The following KPNB1 variants were observed in gnomAD, a reference collection of about 807,000 sequenced individuals.
The protein encoded by KPNB1 is importin subunit beta-1.
A neutral mutation model predicts 113.0 loss-of-function variants in KPNB1; 7 were observed. That is an observed-to-expected ratio of 0.06 (90% confidence interval 0.04 to 0.12). The LOEUF (loss-of-function observed/expected upper bound fraction) is 0.12, where lower values mean the gene tolerates loss of function less well. Among genes scored for constraint, KPNB1 ranks in the 10% least tolerant of loss-of-function variants. KPNB1 has a pLI of 1.00. For missense variants in KPNB1, 400 were observed against 1,054.8 expected, an observed-to-expected ratio of 0.38 and a Z score of 8.60; for synonymous variants, 363 against 378.6, an observed-to-expected ratio of 0.96 and a Z score of 0.48.
chr17:47,685,199 C>T lies in KPNB1; in HGVS notation c.*2795C>T, dbSNP rs370044910. 6.6e-6 allele frequency: 1 copy of T among 152,172 alleles called. No individual in the cohort carries two copies. Among genetic ancestry groups the T allele is most frequent in the African/African-American group, 2.4e-5 (1 of 41,434 alleles). 9.4% of individuals were successfully genotyped at this position (152,172 alleles called of 1,614,324 possible). Reference sequence around the variant, plus strand: ...GGCAACTGTAATATTGCCTTAGGGACTTGTGGAGAAGGGGAATTGCTCAGT... The same window carrying T: ...GGCAACTGTAATATTGCCTTAGGGATTTGTGGAGAAGGGGAATTGCTCAGT... On this transcript the variant is annotated 3_prime_UTR_variant, in exon 22 of 22. Coordinates refer to ENST00000290158, the MANE Select transcript of KPNB1 (RefSeq NM_002265.6).
At position 47,654,415 on chromosome 17, in the gene KPNB1, TA is replaced by T. The variant is rs374274253; in HGVS notation, c.282+1561del. ...GGTGACAGAGTGACACTCCATTTCT[TA>T]AAAAAAAAAAAAAAAAAAAAATTAG... On this transcript the variant is annotated intron_variant, in intron 3 of 21. Transcript: ENST00000290158. Among the ~76,000 whole-genome samples, 631 of 119,864 alleles carry T rather than the reference TA, an allele frequency of 5.3e-3. 3 individuals are homozygous for T. The highest frequency in any genetic ancestry group is 0.017 in the East Asian group (73 of 4,328). The allele number at this position is 119,864 out of a possible 152,430, so 78.6% of individuals were successfully genotyped here. A position where few individuals can be genotyped will look rare whatever the true frequency, so the allele number is the denominator to read the frequency against.
Position 47,682,570 on chromosome 17 carries a change from G to C in KPNB1, c.*166G>C. ...CATTGAAAATCCTGCCACAGCAGCA[G>C]CCGCAGCCGCCAACAGCAGCGCTGT... On this transcript the variant is annotated 3_prime_UTR_variant, in exon 22 of 22. Coordinates refer to ENST00000290158, the MANE Select transcript of KPNB1 (RefSeq NM_002265.6). The C allele has an allele frequency of 1.6e-6, 1 of 644,956 alleles. No homozygotes were observed. Among genetic ancestry groups the C allele is most frequent in the South Asian group, 1.8e-5 (1 of 56,108 alleles). The allele number at this position is 644,956 out of a possible 1,614,324, so 40.0% of individuals were successfully genotyped here.
At position 47,650,014 on chromosome 17, in the gene KPNB1, C is replaced by T. The variant is rs2143068188; in HGVS notation, c.-231C>T. The T allele has an allele frequency of 1.5e-6, 2 of 1,370,032 alleles. No homozygotes were observed. The highest frequency in any genetic ancestry group is 1.5e-5 in the African/African-American group (1 of 66,378). The allele number at this position is 1,370,032 out of a possible 1,614,324, so 84.9% of individuals were successfully genotyped here. ...CGCGCTCTGAGCTGCCCCCAGGGTCCCTCCCCCGCCGCCAGCAGCCCATTT... is the reference window on the plus strand; with the variant it reads ...CGCGCTCTGAGCTGCCCCCAGGGTCTCTCCCCCGCCGCCAGCAGCCCATTT... On this transcript the variant is annotated 5_prime_UTR_variant, in exon 1 of 22. Coordinates refer to ENST00000290158, the MANE Select transcript of KPNB1 (RefSeq NM_002265.6).
In KPNB1 at chr17:47,669,816, T is replaced by A. The variant is rs373649777; in HGVS notation, c.1363T>A (p.Cys455Ser). ...NDVYLAPLLQ[C>S]LIEGLSAEPR... is the part of the protein sequence containing the mutation. ...TGTCTACTTGGCTCCCCTGCTACAG[T>A]GTCTGATTGAGGGTCTCAGTGCTGA... is the stretch of plus-strand genomic sequence containing the variant. The change falls in exon 11 of 22, where the codon TGT (cysteine) becomes AGT (serine). Residue 455 changes from cysteine (C) to serine (S), a missense_variant. By Grantham distance (112) the Cys-to-Ser change is moderately radical (BLOSUM62 -1). This residue lies in a region of KPNB1 where 285 missense variants were observed against 627.0 expected (regional missense o/e 0.45). Transcript: ENST00000290158. 3 of 1,613,876 alleles carry A rather than the reference T, an allele frequency of 1.9e-6. No individual in the cohort carries two copies. Among genetic ancestry groups the A allele is most frequent in the Admixed American group, 1.7e-5 (1 of 59,994 alleles).
At chr17:47,667,001 G>T (rs189479243) in intron 9 of KPNB1, among the ~76,000 whole-genome samples, 1 of 152,312 alleles carries the variant, frequency 6.6e-6, no homozygotes, top group African/African-American at 2.4e-5. Context: ...TAGGCAACCT[G>T]CCTTAAGTTT....
At chr17:47,671,428 G>T (rs932994660) in intron 12 of KPNB1, among the ~76,000 whole-genome samples, 1 of 152,112 alleles carries the variant, frequency 6.6e-6, no homozygotes, top group Non-Finnish European at 1.5e-5. Flanking sequence ...TCATTTTGCA[G>T]CATTGACAGT....
chr17:47,675,372 G>GTTT (rs755565036), intron 15 of KPNB1, among the ~76,000 whole-genome samples: 16 of 86,084 alleles, frequency 1.9e-4, no homozygotes, highest in African/African-American at 5.7e-4. Flanking sequence ...TTTTTTTTTT[G>GTTT]TTTTTTTTTT....
intron 10 of KPNB1, among the ~76,000 whole-genome samples, chr17:47,669,275 G>A (rs763226502): frequency 6.6e-6 from 1 of 152,012 alleles, no homozygotes; most frequent in Non-Finnish European, 1.5e-5. Context: ...GCTAATTTTT[G>A]TATTCTTAGT....
At chr17:47,668,126 C>T (rs756100894) in intron 9 of KPNB1, 60 bp from the exon 10 acceptor site, 6 of 1,378,418 alleles carry the variant, frequency 4.4e-6, no homozygotes, top group Middle Eastern at 2.4e-4. Context: ...GTCAGAGGAC[C>T]TTTAGAGTTA....
Position 47,650,389 on chromosome 17 carries a change from G to A in KPNB1, c.44G>A (p.Arg15Gln), listed in dbSNP as rs1465351224. 1 of 1,610,718 alleles carries A rather than the reference G, an allele frequency of 6.2e-7. No homozygotes were observed. Among genetic ancestry groups the A allele is most frequent in the Non-Finnish European group, 8.5e-7 (1 of 1,179,298 alleles). The change falls in exon 2 of 22, where the codon CGG becomes CAG. Residue 15 changes from arginine (R) to glutamine (Q), a missense_variant. Arg to Gln is a conservative substitution (Grantham distance 43). Coordinates refer to ENST00000290158, the MANE Select transcript of KPNB1 (RefSeq NM_002265.6). ...TILEKTVSPD[R>Q]LELEAAQKFL... ...TCTCCCACTTTCCTCCCCCTAGATC[G>A]GCTGGAGCTGGAAGCGGCGCAGAAG...
At chr17:47,653,239 C>T (rs1044256218) in intron 3 of KPNB1, among the ~76,000 whole-genome samples, 12 of 150,328 alleles carry the variant, frequency 8.0e-5, no homozygotes, top group African/African-American at 2.2e-4. Flanking sequence ...CCAGAAATTC[C>T]GATTCGGTAC....
intron 15 of KPNB1, among the ~76,000 whole-genome samples, chr17:47,675,383 T>TTTTTTTTTTTTTTTTTTTTTTTTTTC (rs2030582971): frequency 9.4e-6 from 1 of 105,996 alleles, no homozygotes; most frequent in Non-Finnish European, 1.9e-5. Flanking sequence ...TTTTTTTTTT[T>TTTTTTTTTTTTTTTTTTTTTTTTTTC]TGTTTGTTTT....
At chr17:47,656,529 G>A (rs1427454701) in intron 3 of KPNB1, among the ~76,000 whole-genome samples, 1 of 148,546 alleles carries the variant, frequency 6.7e-6, no homozygotes, top group African/African-American at 2.5e-5. Flanking sequence ...AACTGACTGA[G>A]GCCTTGTATT....
In KPNB1 at chr17:47,678,431, G is replaced by C. The variant is rs565049846; in HGVS notation, c.2353+18G>C. On this transcript the variant is annotated intron_variant, in intron 19 of 21. Transcript: ENST00000290158. ...CGTACACCGTTGAGTATACAACCCA[G>C]TTCCCTTCGTCCGCTCGCCAATGTG... 1.3e-6 allele frequency: 2 copies of C among 1,577,070 alleles called. No individual in the cohort carries two copies. The highest frequency in any genetic ancestry group is 1.7e-6 in the Non-Finnish European group (2 of 1,146,644).
rs2030874365 is a variant in KPNB1, at chr17:47,684,069, C to T, written c.*1665C>T. The T allele has an allele frequency of 6.6e-6, 1 of 152,108 alleles. No homozygotes were observed. Among genetic ancestry groups the T allele is most frequent in the African/African-American group, 2.4e-5 (1 of 41,406 alleles). 9.4% of individuals were successfully genotyped at this position (152,108 alleles called of 1,614,324 possible). A position where few individuals can be genotyped will look rare whatever the true frequency, so the allele number is the denominator to read the frequency against. On this transcript the variant is annotated 3_prime_UTR_variant, in exon 22 of 22. Coordinates refer to ENST00000290158, the MANE Select transcript of KPNB1 (RefSeq NM_002265.6). ...TTGAATATGCTGCTTTCAGAAAAAC[C>T]AAGGAAGTTTTAAAATTGCTTCCTG...
rs1346199405 is a variant in KPNB1 at position 47,652,882 on chromosome 17, T to C, written c.282+6T>C. 3.2e-6 allele frequency: 5 copies of C among 1,567,112 alleles called. No homozygotes were observed. The highest frequency in any genetic ancestry group is 4.3e-6 in the Non-Finnish European group (5 of 1,161,390). On this transcript the variant is annotated splice_donor_region_variant and intron_variant, in intron 3 of 21. Coordinates refer to ENST00000290158, the MANE Select transcript of KPNB1 (RefSeq NM_002265.6). Reference sequence around the variant, plus strand: ...GACGAGAAGTCAAGAACTATGTGAGTAACGCTTATCTGTTTGGTTATATTG... The same window carrying C: ...GACGAGAAGTCAAGAACTATGTGAGCAACGCTTATCTGTTTGGTTATATTG...
chr17:47,680,660 A>T lies in KPNB1; in HGVS notation c.2621A>T (p.Asn874Ile), dbSNP rs778078531. ...WATKELRKLKNQA is the reference protein window; with the variant it reads ...WATKELRKLKIQA The stretch of plus-strand genomic sequence containing the variant: ...ACAAAAGAACTGAGGAAACTGAAGA[A>T]CCAAGCTTGGTAAGATCTTGCCTCC... The change falls in exon 21 of 22, where the codon AAC becomes ATC. Residue 874 changes from asparagine to isoleucine, a missense_variant. Transcript: ENST00000290158. 32 of 1,613,932 alleles carry T rather than the reference A, an allele frequency of 2.0e-5. No homozygotes were observed. The highest frequency in any genetic ancestry group is 2.6e-5 in the Non-Finnish European group (31 of 1,179,880).
chr17:47,658,363 G>T, intron 4 of KPNB1, 145 bp from the exon 5 acceptor site: 2 of 737,666 alleles, frequency 2.7e-6, no homozygotes, highest in Non-Finnish European at 4.3e-6. Context: ...AGGTGTACAT[G>T]CACCTTTTGG....
At chr17:47,661,057 G>A in intron 5 of KPNB1, 62 bp from the exon 6 acceptor site, 3 of 1,356,870 alleles carry the variant, frequency 2.2e-6, no homozygotes, top group Non-Finnish European at 3.2e-6. Context: ...GAGGGAGTCT[G>A]GAAATCTTCC....
Sources: allele counts gnomAD v4.1 joint callset (sites outside exome capture counted in the v4.1 genomes callset), GRCh38; gene constraint gnomAD v4.1.1; regional missense constraint gnomAD v4.1.1; transcripts MANE v1.5; gene names NCBI Gene and HGNC (gene_info 2026-07-23, HGNC 2026-07-21).